SMARCA2: variants seen among roughly 807,000 people sequenced by gnomAD.
The protein encoded by SMARCA2 is SWI/SNF related BAF chromatin remodeling complex subunit ATPase 2.
In SMARCA2, 61 loss-of-function variants were observed where a neutral mutation model predicts 199.8. The ratio of observed to expected loss-of-function variants is 0.31; its 90% CI spans 0.25 to 0.38. The LOEUF is 0.38. Among genes scored for constraint, SMARCA2 ranks in the 10% least tolerant of loss-of-function variants. The pLI, the probability that SMARCA2 is intolerant of heterozygous loss-of-function variation, is 1.00. For missense variants in SMARCA2, 1,344 were observed against 2,012.2 expected (o/e 0.67, Z 6.35); for synonymous variants, 935 against 732.0 (o/e 1.28, Z -4.48).
chr9:2,063,012 A>G (rs1021784997), intron 9 of SMARCA2, among the ~76,000 whole-genome samples: 28 of 152,276 alleles, frequency 1.8e-4, no homozygotes, highest in African/African-American at 6.3e-4. Context: ...ATCTTTGAGT[A>G]TCTCCCATTG....
At position 2,123,635 on chromosome 9, in the gene SMARCA2, G is replaced by C. The variant is rs775677238; in HGVS notation, c.3763-84G>C. ...AAGGGACCCTGCAGCCATAGGAAGT[G>C]ACTTGGGGAAGTTGTGTAGTGCTGG... On this transcript the variant is annotated intron_variant, in intron 26 of 33. Coordinates refer to ENST00000349721, the MANE Select transcript of SMARCA2 (RefSeq NM_003070.5). The surrounding 1 kb of genome is among the most constrained non-coding windows in gnomAD (Gnocchi z 4.1). 40 of 1,199,158 alleles carry C rather than the reference G, an allele frequency of 3.3e-5. No homozygotes were observed. The Middle Eastern group carries it at 5.7e-4, about 17-fold the overall frequency. The allele number at this position is 1,199,158 out of a possible 1,614,324, so 74.3% of individuals were successfully genotyped here.
rs187755587 is a variant in SMARCA2, at chr9:2,065,012, A to G, written c.1692+4026A>G. On this transcript the variant is annotated intron_variant, in intron 9 of 33. Coordinates refer to ENST00000349721, the MANE Select transcript of SMARCA2 (RefSeq NM_003070.5). ...ATCCTGGCTAACATGTTGAAACCCC[A>G]TCTCTACTAAAAAATACAAAAAATT... Among the ~76,000 whole-genome samples, 270 of 152,160 alleles carry G rather than the reference A, an allele frequency of 1.8e-3. 1 individual carries two copies. The highest frequency in any genetic ancestry group is 0.017 in the Middle Eastern group (5 of 292).
intron 8 of SMARCA2, among the ~76,000 whole-genome samples, chr9:2,060,323 C>T (rs988593013): frequency 3.3e-5 from 5 of 152,028 alleles, no homozygotes; most frequent in African/African-American, 1.2e-4. Context: ...TGCTTCAAGA[C>T]AATTCAGTTT....
At chr9:2,058,814 C>T (rs1820464446) in intron 8 of SMARCA2, among the ~76,000 whole-genome samples, 2 of 152,148 alleles carry the variant, frequency 1.3e-5, no homozygotes, top group South Asian at 4.1e-4. Context: ...AATATGGCCT[C>T]TTTGAGATGA....
At chr9:2,187,154 G>GTACT (rs1268146672) in intron 32 of SMARCA2, among the ~76,000 whole-genome samples, 23 of 152,110 alleles carry the variant, frequency 1.5e-4, no homozygotes, top group Non-Finnish European at 5.9e-5. Context: ...TGATGACAGG[G>GTACT]TACTGTCTTT....
intron 9 of SMARCA2, among the ~76,000 whole-genome samples, chr9:2,067,326 G>T (rs7874264): frequency 6.6e-6 from 1 of 152,152 alleles, no homozygotes; most frequent in Non-Finnish European, 1.5e-5. Flanking sequence ...TTTATTTAGC[G>T]CCTTTTAAGT....
At position 2,156,466 on chromosome 9, in the gene SMARCA2, G is replaced by C. The variant is rs558409008; in HGVS notation, c.3982-5220G>C. Among the ~76,000 whole-genome samples, 94 of 85,188 alleles carry C rather than the reference G, an allele frequency of 1.1e-3. 1 individual carries two copies. The South Asian group carries it at 0.035, about 31-fold the overall frequency. The allele number at this position is 85,188 out of a possible 152,430, so 55.9% of individuals were successfully genotyped here. A position where few individuals can be genotyped will look rare whatever the true frequency, so the allele number is the denominator to read the frequency against. Reference sequence around the variant, plus strand: ...TTTTTTGAGGCAGAGTTTTGCTCTTGTTACCCAGGCTGGAGTGCAATGGCA... The same window carrying C: ...TTTTTTGAGGCAGAGTTTTGCTCTTCTTACCCAGGCTGGAGTGCAATGGCA... On this transcript the variant is annotated intron_variant, in intron 27 of 33. Coordinates refer to ENST00000349721, the MANE Select transcript of SMARCA2 (RefSeq NM_003070.5).
chr9:2,042,000 C>G (rs1221575504), intron 4 of SMARCA2: 1 of 152,130 alleles, frequency 6.6e-6, no homozygotes, highest in African/African-American at 2.4e-5. Context: ...ATCTCATGTT[C>G]TTAACCACTT....
At chr9:2,155,611 A>T (rs1825316344) in intron 27 of SMARCA2, among the ~76,000 whole-genome samples, 1 of 151,890 alleles carries the variant, frequency 6.6e-6, no homozygotes. Flanking sequence ...ATTGCTTTTA[A>T]CTAAAATAGT....
intron 29 of SMARCA2, among the ~76,000 whole-genome samples, chr9:2,174,240 C>G (rs1408054888): frequency 1.3e-5 from 2 of 152,112 alleles, no homozygotes; most frequent in African/African-American, 4.8e-5. Context: ...GAAGGAGGCT[C>G]AGCTGGAAAT....
intron 27 of SMARCA2, among the ~76,000 whole-genome samples, chr9:2,124,171 G>C (rs1823587257): frequency 6.6e-6 from 1 of 152,182 alleles, no homozygotes; most frequent in African/African-American, 2.4e-5. Context: ...AAAATATGCA[G>C]GATTTTTTGC....
intron 23 of SMARCA2, among the ~76,000 whole-genome samples, chr9:2,107,090 TAA>T: frequency 6.6e-6 from 1 of 152,230 alleles, no homozygotes; most frequent in East Asian, 1.9e-4. Context: ...TGAACAATAT[TAA>T]AAATTTTGTT....
In SMARCA2 at chr9:2,064,483, G is replaced by A. The variant is rs139783196; in HGVS notation, c.1692+3497G>A. 7.2e-4 allele frequency among the ~76,000 whole-genome samples: 110 copies of A among 152,284 alleles called. 1 individual carries two copies. The highest frequency in any genetic ancestry group is 2.4e-3 in the African/African-American group (100 of 41,558). ...ATTTCATCAAGCAATTCTATGATAC[G>A]AAAGTGGAATCATAATTATAATACG... On this transcript the variant is annotated intron_variant, in intron 9 of 33. Transcript: ENST00000349721.
rs892905989 is a variant in SMARCA2, at chr9:2,104,699, T to C, written c.3292+530T>C. Among the ~76,000 whole-genome samples the C allele has an allele frequency of 2.0e-5, 3 of 152,200 alleles. No homozygotes were observed. The highest frequency in any genetic ancestry group is 2.9e-5 in the Non-Finnish European group (2 of 68,034). On this transcript the variant is annotated intron_variant, in intron 23 of 33. Transcript: ENST00000349721. This position sits in a 1 kb window ranked among gnomAD's most constrained non-coding sequence, Gnocchi z 4.0. ...ATTGTTTCCTGGATTTTGCAAGCTA[T>C]GTAAAATATTTGCCTGGTTTTAAGA...
At chr9:2,040,907 T>A (rs1819577106) in intron 4 of SMARCA2, 1 of 153,524 alleles carries the variant, frequency 6.5e-6, no homozygotes, top group African/African-American at 2.4e-5. Context: ...AAGCGTTTTG[T>A]TAAAGAACTG....
At chr9:2,077,890 C>T (rs1220613511) in intron 14 of SMARCA2, 114 bp downstream of exon 14, 2 of 871,506 alleles carry the variant, frequency 2.3e-6, no homozygotes, top group African/African-American at 1.7e-5. Context: ...TAGGCCACAT[C>T]ACTTATAATA....
At chr9:2,185,009 A>G (rs760445797) in intron 31 of SMARCA2, among the ~76,000 whole-genome samples, 49 of 152,210 alleles carry the variant, frequency 3.2e-4, no homozygotes, top group Admixed American at 4.6e-4. Context: ...GGGTTGTTTT[A>G]TTTTCCTTTA....
Position 2,161,810 on chromosome 9 carries a change from G to T in SMARCA2, c.4106G>T (p.Gly1369Val). 1.9e-6 allele frequency: 3 copies of T among 1,614,010 alleles called. No individual in the cohort carries two copies. The highest frequency in any genetic ancestry group is 2.5e-6 in the Non-Finnish European group (3 of 1,179,938). Residue 1369 changes from glycine (G) to valine (V), a missense_variant, in exon 28 of 34, where the codon GGC becomes GTC. By Grantham distance (109) the Gly-to-Val change is moderately radical. Around this residue, in one of 18 missense-constraint regions of SMARCA2, gnomAD observed 151 missense variants for 154.0 expected, o/e 0.98. Transcript: ENST00000349721. The surrounding 1 kb of genome is among the most constrained non-coding windows in gnomAD (Gnocchi z 4.7). ...EDVEKAKKRR[G>V]RPPAEKLSPN... ...GTGGAAAAAGCTAAGAAGAGAAGAG[G>T]CCGCCCTCCCGCTGAGAAACTGTCA...
At chr9:2,163,381 A>G (rs1180252427) in intron 28 of SMARCA2, among the ~76,000 whole-genome samples, 1 of 152,224 alleles carries the variant, frequency 6.6e-6, no homozygotes, top group African/African-American at 2.4e-5. Flanking sequence ...ATGAAGGGGA[A>G]TGACAGCAAT....
Sources: allele counts gnomAD v4.1 joint callset (sites outside exome capture counted in the v4.1 genomes callset), GRCh38; gene constraint gnomAD v4.1.1; regional missense constraint gnomAD v4.1.1; non-coding constraint Gnocchi (gnomAD v3.1); transcripts MANE v1.5; gene names NCBI Gene and HGNC (gene_info 2026-07-23, HGNC 2026-07-21).